ATM: variants seen among roughly 807,000 people sequenced by gnomAD.
ATM encodes ATM serine/threonine kinase, also known as serine-protein kinase ATM.
Under a neutral mutation model 387.0 loss-of-function variants are expected in ATM, and 308 were observed. The observed-to-expected ratio is 0.80, with a 90% CI of 0.73 to 0.87. ATM has a LOEUF of 0.87. Among genes scored for constraint, ATM ranks in the 40% least tolerant of loss-of-function variants. The pLI, the probability that ATM is intolerant of heterozygous loss-of-function variation, is 0.00. For synonymous variants in ATM, 1,156 were observed against 1,187.3 expected, an observed-to-expected ratio of 0.97 and a Z score of 0.54; for missense variants, 3,312 against 3,560.9, an observed-to-expected ratio of 0.93 and a Z score of 1.78.
rs2137291352 is a variant in ATM at position 108,353,824 on chromosome 11, C to CA, written c.8731dup (p.Thr2911AsnfsTer14). 6.2e-7 allele frequency: 1 copy of CA among 1,614,056 alleles called. No individual in the cohort carries two copies. Among genetic ancestry groups the CA allele is most frequent in the Non-Finnish European group, 8.5e-7 (1 of 1,179,990 alleles). ...CTCCTGAGACAGTTCCTTTTAGACT[C>CA]ACCAGAGATATTGTGGATGGCATGG... On this transcript the variant is annotated frameshift_variant, in exon 60 of 63. Coordinates refer to ENST00000675843, the MANE Select transcript of ATM (RefSeq NM_000051.4). LOFTEE classifies it high-confidence loss of function.
intron 4 of ATM, chr11:108,230,354 T>A (rs757319781): frequency 1.3e-5 from 2 of 152,166 alleles, no homozygotes; most frequent in Non-Finnish European, 2.9e-5. Flanking sequence ...AGGCAGAGGT[T>A]GTGGTGAGCT....
At chr11:108,359,589 A>G (rs1167503107) in intron 61 of ATM, among the ~76,000 whole-genome samples, 3 of 152,218 alleles carry the variant, frequency 2.0e-5, no homozygotes, top group Non-Finnish European at 2.9e-5. Flanking sequence ...AGATTATAAC[A>G]AACTATCTCT....
intron 1 of ATM, chr11:108,225,785 A>T (rs1415397112): frequency 6.6e-6 from 1 of 152,176 alleles, no homozygotes; most frequent in African/African-American, 2.4e-5. Flanking sequence ...CCCGGTAGTC[A>T]GCTCTTACTG....
chr11:108,287,484 A>G (rs577035816), intron 26 of ATM, 116 bp from the exon 27 acceptor site: 24 of 636,554 alleles, frequency 3.8e-5, no homozygotes, highest in Admixed American at 2.3e-4. Context: ...TGAGTCATCT[A>G]TTTTCTTTTA....
At chr11:108,317,262 AT>A in intron 42 of ATM, 110 bp from the exon 43 acceptor site, 1 of 1,160,666 alleles carries the variant, frequency 8.6e-7, no homozygotes, top group Non-Finnish European at 1.2e-6. Flanking sequence ...TTTAAATGAT[AT>A]TGTGAACTAA....
At chr11:108,358,947 A>G (rs2090373450) in intron 61 of ATM, among the ~76,000 whole-genome samples, 1 of 152,168 alleles carries the variant, frequency 6.6e-6, no homozygotes, top group African/African-American at 2.4e-5. Context: ...ACATAACAAA[A>G]TTAACTTTAA....
At chr11:108,287,428 A>G (rs2082547716) in intron 26 of ATM, 172 bp from the exon 27 acceptor site, 1 of 487,350 alleles carries the variant, frequency 2.1e-6, no homozygotes, top group East Asian at 3.4e-5. Context: ...TTGGCTGCAT[A>G]GAAGAAAAAG....
rs1416161750 is a variant in ATM, at chr11:108,246,960, A to G, written c.902-4A>G. Reference sequence around the variant, plus strand: ...AAATTACATTTTAATTTTTTGGATTACAGGTGCTTATGAATCAACAAAATG... The same window carrying G: ...AAATTACATTTTAATTTTTTGGATTGCAGGTGCTTATGAATCAACAAAATG... On this transcript the variant is annotated splice_polypyrimidine_tract_variant and splice_region_variant and intron_variant, in intron 7 of 62. Coordinates refer to ENST00000675843, the MANE Select transcript of ATM (RefSeq NM_000051.4). 1.2e-6 allele frequency: 2 copies of G among 1,605,628 alleles called. No individual in the cohort carries two copies. The highest frequency in any genetic ancestry group is 3.3e-5 in the Admixed American group (2 of 59,962).
rs769166447 is a variant in ATM at position 108,244,868 on chromosome 11, G to A, written c.743G>A (p.Arg248Gln). ...IFLKTLAVNF[R>Q]IRVCELGDEI... ...CTCAAGACTTTGGCTGTCAACTTTCGAATTCGAGTGTGTGAATTAGGAGAT... is the reference window on the plus strand; with the variant it reads ...CTCAAGACTTTGGCTGTCAACTTTCAAATTCGAGTGTGTGAATTAGGAGAT... The change falls in exon 7 of 63, where the codon CGA becomes CAA. Residue 248 changes from arginine (R) to glutamine (Q), a missense_variant. Transcript: ENST00000675843. 11 of 1,613,696 alleles carry A rather than the reference G, an allele frequency of 6.8e-6. No homozygotes were observed. Among genetic ancestry groups the A allele is most frequent in the South Asian group, 1.1e-5 (1 of 91,054 alleles).
intron 48 of ATM, 143 bp downstream of exon 48, chr11:108,327,901 C>A: frequency 1.3e-6 from 1 of 750,102 alleles, no homozygotes; most frequent in Non-Finnish European, 2.2e-6. Context: ...TCTGTATAGT[C>A]TCTAGGGTGG....
chr11:108,339,755 GC>G (rs2087296217), intron 56 of ATM, among the ~76,000 whole-genome samples: 3 of 152,058 alleles, frequency 2.0e-5, no homozygotes, highest in African/African-American at 7.2e-5. Context: ...CCGCCCCAGA[GC>G]TAGATATTGA....
At position 108,248,951 on chromosome 11, in the gene ATM, A is replaced by T. The variant is rs1591517251; in HGVS notation, c.1084A>T (p.Arg362Ter). Residue 362 changes from arginine (R) to a stop codon, truncating the protein, a stop_gained, in exon 9 of 63, where the codon AGA becomes TGA. Transcript: ENST00000675843. LOFTEE classifies it high-confidence loss of function. ...TTTACAGGTTTTTAATGAAGATACC[A>T]GATCCTTGGAGATTTCTCAATCTTA... ...ICHQVFNEDT[R>*]SLEISQSYTT... is the part of the protein sequence containing the mutation. The T allele has an allele frequency of 6.2e-7, 1 of 1,610,572 alleles. No homozygotes were observed. The highest frequency in any genetic ancestry group is 8.5e-7 in the Non-Finnish European group (1 of 1,177,608).
At chr11:108,276,488 C>G (rs1425404076) in intron 22 of ATM, among the ~76,000 whole-genome samples, 4 of 152,226 alleles carry the variant, frequency 2.6e-5, no homozygotes, top group Non-Finnish European at 5.9e-5. Context: ...TTTTCCTCAT[C>G]TTCGTGGATT....
chr11:108,316,474 A>G (rs749196160), intron 42 of ATM, among the ~76,000 whole-genome samples: 1 of 152,094 alleles, frequency 6.6e-6, no homozygotes, highest in Non-Finnish European at 1.5e-5. Flanking sequence ...TATTTCTCAT[A>G]GTTTGCAACA....
intron 25 of ATM, among the ~76,000 whole-genome samples, chr11:108,283,153 AAAGT>A (rs1210039096): frequency 1.3e-5 from 2 of 152,242 alleles, no homozygotes; most frequent in Non-Finnish European, 2.9e-5. Context: ...TTTAATATGT[AAAGT>A]AAGCAAGTTA....
At chr11:108,267,088 G>T (rs779192352) in intron 16 of ATM, 83 bp from the exon 17 acceptor site, 76 of 1,395,376 alleles carry the variant, frequency 5.4e-5, no homozygotes, top group Middle Eastern at 1.8e-4. Context: ...GAGCCACTGT[G>T]CCCAGCCTGA....
intron 17 of ATM, 122 bp from the exon 18 acceptor site, chr11:108,268,283 ATTAAT>A (rs2081371735): frequency 2.5e-6 from 2 of 789,134 alleles, no homozygotes; most frequent in Non-Finnish European, 4.2e-6. Context: ...TCAGTATATA[ATTAAT>A]TTCACTATAA....
intron 26 of ATM, among the ~76,000 whole-genome samples, chr11:108,286,220 G>C (rs1328263740): frequency 6.9e-6 from 1 of 145,758 alleles, no homozygotes; most frequent in Non-Finnish European, 1.5e-5. Flanking sequence ...AGCTGAGTCA[G>C]GAGAATCACT....
chr11:108,285,994 C>G (rs1049861418), intron 26 of ATM, among the ~76,000 whole-genome samples: 1 of 152,126 alleles, frequency 6.6e-6, no homozygotes, highest in Non-Finnish European at 1.5e-5. Context: ...TGAAGAACAG[C>G]AAAAATTAAA....
Sources: allele counts gnomAD v4.1 joint callset (sites outside exome capture counted in the v4.1 genomes callset), GRCh38; gene constraint gnomAD v4.1.1; transcripts MANE v1.5; gene names NCBI Gene and HGNC (gene_info 2026-07-23, HGNC 2026-07-21).